The following CLSTN2 variants were observed in gnomAD, a reference collection of about 807,000 sequenced individuals.
The protein encoded by CLSTN2 is calsyntenin-2.
Under a neutral mutation model 101.2 loss-of-function variants are expected in CLSTN2, and 48 were observed. That is an observed-to-expected ratio of 0.47 (90% confidence interval 0.38 to 0.60). The LOEUF (loss-of-function observed/expected upper bound fraction) is 0.60, where lower values mean the gene tolerates loss of function less well. Among genes scored for constraint, CLSTN2 ranks in the 20% least tolerant of loss-of-function variants. The pLI is 0.00. For missense variants in CLSTN2, 1,160 were observed against 1,238.2 expected (o/e 0.94, Z 0.95); for synonymous variants, 481 against 463.6 (o/e 1.04, Z -0.48).
At chr3:140,179,670 A>C (rs2010379434) in intron 2 of CLSTN2, among the ~76,000 whole-genome samples, 1 of 139,198 alleles carries the variant, frequency 7.2e-6, no homozygotes, top group Non-Finnish European at 1.5e-5. Context: ...ATTATACCTC[A>C]TTTTGAATAC....
chr3:140,451,747 T>A (rs1425432843), intron 6 of CLSTN2, among the ~76,000 whole-genome samples: 1 of 152,204 alleles, frequency 6.6e-6, no homozygotes, highest in Non-Finnish European at 1.5e-5. Flanking sequence ...TGTAGGGTAC[T>A]TTCAGTTCCA....
intron 1 of CLSTN2, among the ~76,000 whole-genome samples, chr3:140,077,122 T>C (rs746528243): frequency 5.3e-5 from 8 of 152,310 alleles, no homozygotes; most frequent in Non-Finnish European, 7.3e-5. Flanking sequence ...TAGAAGTTAT[T>C]AGAAACAAAC....
intron 5 of CLSTN2, among the ~76,000 whole-genome samples, chr3:140,423,913 G>T (rs557112603): frequency 3.9e-5 from 6 of 152,356 alleles, no homozygotes; most frequent in Admixed American, 1.3e-4. Context: ...AATGGGGAAA[G>T]GGTACAGGGG....
intron 10 of CLSTN2, among the ~76,000 whole-genome samples, chr3:140,548,842 G>A (rs1431127872): frequency 6.6e-6 from 1 of 152,148 alleles, no homozygotes; most frequent in Admixed American, 6.5e-5. Flanking sequence ...AAGGGAGCAT[G>A]ATCTCAGCAT....
intron 8 of CLSTN2, among the ~76,000 whole-genome samples, chr3:140,526,628 AAAC>A (rs956278660): frequency 2.8e-5 from 4 of 145,262 alleles, no homozygotes; most frequent in African/African-American, 5.4e-5. Context: ...AATACTGAGC[AAAC>A]AACAACAACA....
chr3:140,267,302 AG>A lies in CLSTN2; in HGVS notation c.232+91230del, dbSNP rs1284503870. ...AGAATGCAGCTTGAGGAGAAAATAC[AG>A]AGAAATGAGATTTTGGAGCAAGCCC... On this transcript the variant is annotated intron_variant, in intron 2 of 16. Coordinates refer to ENST00000458420, the MANE Select transcript of CLSTN2 (RefSeq NM_022131.3). Among the ~76,000 whole-genome samples the A allele has an allele frequency of 5.3e-5, 8 of 152,310 alleles. No individual in the cohort carries two copies. The East Asian group carries it at 1.5e-3, about 29-fold the overall frequency.
chr3:140,368,072 G>A (rs918182611), intron 2 of CLSTN2, among the ~76,000 whole-genome samples: 1 of 152,146 alleles, frequency 6.6e-6, no homozygotes, highest in African/African-American at 2.4e-5. Flanking sequence ...ATTTATTCCA[G>A]TGCATCTTTA....
At chr3:140,161,794 AC>A (rs1488091970) in intron 1 of CLSTN2, among the ~76,000 whole-genome samples, 3 of 152,184 alleles carry the variant, frequency 2.0e-5, no homozygotes, top group African/African-American at 7.2e-5. Context: ...CAAGCCACAT[AC>A]TAAACTTTTG....
chr3:140,355,583 T>C (rs1318372002), intron 2 of CLSTN2, among the ~76,000 whole-genome samples: 1 of 152,104 alleles, frequency 6.6e-6, no homozygotes, highest in African/African-American at 2.4e-5. Flanking sequence ...TTAGTGTGGA[T>C]TGGAGCATCC....
chr3:140,529,621 C>T (rs567167336), intron 8 of CLSTN2, among the ~76,000 whole-genome samples: 1 of 152,242 alleles, frequency 6.6e-6, no homozygotes, highest in African/African-American at 2.4e-5. Context: ...ATCATAGATC[C>T]ACATTTATAA....
rs115780921 is a variant in CLSTN2, at chr3:140,182,228, G to C, written c.232+6155G>C. Among the ~76,000 whole-genome samples the C allele has an allele frequency of 4.3e-3, 652 of 152,158 alleles. 9 individuals are homozygous for C. The highest frequency in any genetic ancestry group is 0.015 in the African/African-American group (635 of 41,512). ...TTATTTAGGTTATTCTCTATTCAAG[G>C]CAAGGATTGCTGGCTTTTCATTTTA... is the stretch of plus-strand genomic sequence containing the variant. On this transcript the variant is annotated intron_variant, in intron 2 of 16. Coordinates refer to ENST00000458420, the MANE Select transcript of CLSTN2 (RefSeq NM_022131.3).
chr3:139,964,304 T>C (rs925177270), intron 1 of CLSTN2, among the ~76,000 whole-genome samples: 1 of 152,154 alleles, frequency 6.6e-6, no homozygotes, highest in African/African-American at 2.4e-5. Context: ...TGGGACCTCC[T>C]AGTCTCATGG....
chr3:140,035,721 C>G (rs2007639457), intron 1 of CLSTN2, among the ~76,000 whole-genome samples: 1 of 152,136 alleles, frequency 6.6e-6, no homozygotes. Flanking sequence ...ATTATTTTGC[C>G]AGTCATTTGT....
At chr3:140,521,959 G>A (rs1390253785) in intron 8 of CLSTN2, among the ~76,000 whole-genome samples, 2 of 152,174 alleles carry the variant, frequency 1.3e-5, no homozygotes, top group Non-Finnish European at 2.9e-5. Context: ...GAATCCCAGG[G>A]CCAGCAAAAC....
intron 8 of CLSTN2, among the ~76,000 whole-genome samples, chr3:140,490,336 T>C (rs999810382): frequency 3.3e-5 from 5 of 150,772 alleles, no homozygotes; most frequent in Non-Finnish European, 7.4e-5. Context: ...GGGCTGTACA[T>C]GAAGGCCCCC....
chr3:140,550,640 A>C (rs1370199507), intron 10 of CLSTN2, among the ~76,000 whole-genome samples: 1 of 152,074 alleles, frequency 6.6e-6, no homozygotes, highest in South Asian at 2.1e-4. Context: ...GGCCCCATAG[A>C]GCAAAAACAC....
At chr3:140,287,289 G>C (rs57446026) in intron 2 of CLSTN2, among the ~76,000 whole-genome samples, 14,222 of 152,120 alleles carry the variant, frequency 0.093, 1,336 homozygotes, top group African/African-American at 0.25. Flanking sequence ...AGTGCACATC[G>C]CATATGATTC....
chr3:140,306,848 T>TTTATTATTATTA (rs57111372), intron 2 of CLSTN2, among the ~76,000 whole-genome samples: 3,377 of 141,934 alleles, frequency 0.024, 45 homozygotes, highest in Admixed American at 0.035. Context: ...TTTTTGTCTT[T>TTTATTATTATTA]TTATTATTAT....
At chr3:140,511,799 C>T (rs186177075) in intron 8 of CLSTN2, among the ~76,000 whole-genome samples, 149 of 151,520 alleles carry the variant, frequency 9.8e-4, no homozygotes, top group African/African-American at 3.3e-3. Context: ...CCTCGTGATC[C>T]GCCTGCCTCT....
Sources: allele counts gnomAD v4.1 joint callset (sites outside exome capture counted in the v4.1 genomes callset), GRCh38; gene constraint gnomAD v4.1.1; transcripts MANE v1.5; gene names NCBI Gene and HGNC (gene_info 2026-07-23, HGNC 2026-07-21).